RAB3GAP1: variants seen among roughly 807,000 people sequenced by gnomAD.
RAB3GAP1 encodes RAB3 GTPase activating protein catalytic subunit 1, also known as rab3 GTPase-activating protein catalytic subunit.
A neutral mutation model predicts 130.7 loss-of-function variants in RAB3GAP1; 86 were observed. That is an observed-to-expected ratio of 0.66 (90% confidence interval 0.55 to 0.79). RAB3GAP1 has a LOEUF of 0.79. Among genes scored for constraint, RAB3GAP1 ranks in the 30% least tolerant of loss-of-function variants. RAB3GAP1 has a pLI of 0.00. For missense variants in RAB3GAP1, 1,029 were observed against 1,169.4 expected (o/e 0.88, Z 1.75); for synonymous variants, 367 against 401.7 (o/e 0.91, Z 1.03).
intron 13 of RAB3GAP1, 123 bp from the exon 14 acceptor site, chr2:135,132,772 A>G: frequency 1.5e-6 from 1 of 680,984 alleles, no homozygotes; most frequent in South Asian, 1.6e-5. Flanking sequence ...ATACAACTGG[A>G]ACATTTCTAT....
intron 23 of RAB3GAP1, chr2:135,167,691 A>G: frequency 2.7e-6 from 4 of 1,494,200 alleles, no homozygotes; most frequent in Non-Finnish European, 2.7e-6. Flanking sequence ...CCCCTTCTCA[A>G]GCTGACTGAA....
chr2:135,161,469 A>G (rs956760735), intron 19 of RAB3GAP1, among the ~76,000 whole-genome samples: 3 of 152,188 alleles, frequency 2.0e-5, no homozygotes, highest in Non-Finnish European at 4.4e-5. Flanking sequence ...AAAGTAAACA[A>G]TATATTATTT....
downstream of RAB3GAP1, among the ~76,000 whole-genome samples, chr2:135,171,879 A>G (rs113045932): frequency 4.1e-3 from 624 of 152,272 alleles, 6 homozygotes; most frequent in African/African-American, 0.014. Context: ...AGTCCTGTAT[A>G]TAGATGACTA....
At chr2:135,174,631 C>T (rs1310275902), downstream of RAB3GAP1, among the ~76,000 whole-genome samples, 1 of 152,238 alleles carries the variant, frequency 6.6e-6, no homozygotes, top group Non-Finnish European at 1.5e-5. Flanking sequence ...TGTTTGTTCA[C>T]ATTCCTCTTT....
intron 7 of RAB3GAP1, among the ~76,000 whole-genome samples, chr2:135,118,433 A>G (rs1200164614): frequency 6.6e-6 from 1 of 152,146 alleles, no homozygotes; most frequent in Non-Finnish European, 1.5e-5. Flanking sequence ...ATAATCCTCT[A>G]AATATTTGAA....
rs937560445 is a variant in RAB3GAP1 at position 135,091,560 on chromosome 2, A to G, written c.283+430A>G. The stretch of plus-strand genomic sequence containing the variant: ...ATTACAAATAAAGGAAAATCTGTTG[A>G]TTAGAGGGTAGTATTTTGGATTTAC... On this transcript the variant is annotated intron_variant, in intron 4 of 23. Coordinates refer to ENST00000264158, the MANE Select transcript of RAB3GAP1 (RefSeq NM_012233.3). Among the ~76,000 whole-genome samples, 11 of 152,184 alleles carry G rather than the reference A, an allele frequency of 7.2e-5. No homozygotes were observed. The South Asian group carries it at 1.2e-3, about 17-fold the overall frequency.
At chr2:135,066,890 G>A (rs1238939557) in intron 3 of RAB3GAP1, among the ~76,000 whole-genome samples, 2 of 152,092 alleles carry the variant, frequency 1.3e-5, no homozygotes, top group African/African-American at 2.4e-5. Flanking sequence ...TGACTGACTC[G>A]TATCTCCCTG....
At chr2:135,085,306 TA>T (rs1175872256) in intron 3 of RAB3GAP1, among the ~76,000 whole-genome samples, 1 of 152,194 alleles carries the variant, frequency 6.6e-6, no homozygotes, top group African/African-American at 2.4e-5. Flanking sequence ...TAATTGGAAA[TA>T]AAAATATATG....
intron 23 of RAB3GAP1, among the ~76,000 whole-genome samples, chr2:135,165,390 T>TA (rs1212425640): frequency 6.6e-6 from 1 of 152,228 alleles, no homozygotes; most frequent in Non-Finnish European, 1.5e-5. Context: ...GTGCACTAAT[T>TA]ACACGCTTCC....
At chr2:135,103,182 A>G (rs1690503423) in intron 5 of RAB3GAP1, among the ~76,000 whole-genome samples, 1 of 151,290 alleles carries the variant, frequency 6.6e-6, no homozygotes. Context: ...GATTACAGGC[A>G]TATGCCACCA....
intron 15 of RAB3GAP1, among the ~76,000 whole-genome samples, chr2:135,134,840 T>C (rs1316271816): frequency 2.0e-5 from 3 of 152,142 alleles, no homozygotes; most frequent in African/African-American, 7.2e-5. Context: ...CAAGGTCCTA[T>C]TGAAATACAG....
intron 4 of RAB3GAP1, 53 bp from the exon 5 acceptor site, chr2:135,093,562 A>G: frequency 7.4e-7 from 1 of 1,354,692 alleles, no homozygotes; most frequent in Non-Finnish European, 1.1e-6. Flanking sequence ...ATGTTATAAA[A>G]CTCTGCCTGA....
chr2:135,101,216 A>C (rs1690439397), intron 5 of RAB3GAP1, among the ~76,000 whole-genome samples: 1 of 152,188 alleles, frequency 6.6e-6, no homozygotes, highest in East Asian at 1.9e-4. Context: ...TTTTATTGTA[A>C]TTGTTAATAA....
At chr2:135,093,267 A>C (rs993088272) in intron 4 of RAB3GAP1, among the ~76,000 whole-genome samples, 1 of 152,226 alleles carries the variant, frequency 6.6e-6, no homozygotes, top group Admixed American at 6.5e-5. Flanking sequence ...CAGAGTTGAC[A>C]TATCTCTAAA....
At chr2:135,128,754 G>A (rs951517369) in intron 11 of RAB3GAP1, among the ~76,000 whole-genome samples, 1 of 152,326 alleles carries the variant, frequency 6.6e-6, no homozygotes, top group African/African-American at 2.4e-5. Context: ...AAATTTAGAT[G>A]TACTTGATGT....
intron 2 of RAB3GAP1, among the ~76,000 whole-genome samples, chr2:135,056,540 G>C (rs527372027): frequency 6.6e-6 from 1 of 152,104 alleles, no homozygotes; most frequent in East Asian, 1.9e-4. Flanking sequence ...ATTTTTATTG[G>C]GTGCATATTA....
At chr2:135,074,738 G>A (rs886843307) in intron 3 of RAB3GAP1, among the ~76,000 whole-genome samples, 2 of 152,224 alleles carry the variant, frequency 1.3e-5, no homozygotes, top group African/African-American at 2.4e-5. Context: ...ACAGTTGTAG[G>A]TAAAGACAGG....
At chr2:135,147,368 A>T (rs899692451) in intron 17 of RAB3GAP1, among the ~76,000 whole-genome samples, 1 of 151,808 alleles carries the variant, frequency 6.6e-6, no homozygotes, top group African/African-American at 2.4e-5. Flanking sequence ...AAAATCTTTT[A>T]ACAAAGGAAA....
intron 3 of RAB3GAP1, among the ~76,000 whole-genome samples, chr2:135,088,705 A>AAAG (rs1553441506): frequency 1.1e-4 from 17 of 151,132 alleles, no homozygotes; most frequent in African/African-American, 3.9e-4. Context: ...AAAAAAAAAA[A>AAAG]AAAGAAAGAA....
Sources: gnomAD v4.1 joint callset for allele counts (sites outside exome capture counted in the v4.1 genomes callset) on GRCh38, gnomAD v4.1.1 for gene constraint, MANE v1.5 for transcripts, NCBI Gene and HGNC (gene_info 2026-07-23, HGNC 2026-07-21) for gene names.